The following EDN1 variants were observed in gnomAD, a reference collection of about 807,000 sequenced individuals.
EDN1 encodes endothelin-1.
Under a neutral mutation model 21.7 loss-of-function variants are expected in EDN1, and 11 were observed. That is an observed-to-expected ratio of 0.51 (90% CI 0.32 to 0.84). The LOEUF (loss-of-function observed/expected upper bound fraction) is 0.84. Ranked by LOEUF, EDN1 falls within the 40% of genes least tolerant of loss-of-function variation. EDN1 has a pLI of 0.03. For synonymous variants in EDN1, 85 were observed against 90.6 expected, an observed-to-expected ratio of 0.94 and a Z score of 0.35; for missense variants, 244 against 262.3, an observed-to-expected ratio of 0.93 and a Z score of 0.48.
the EDN1 span, among the ~76,000 whole-genome samples, chr6:12,267,479 G>A: frequency 2.5e-3 from 384 of 152,280 alleles, 1 homozygote; most frequent in African/African-American, 8.5e-3. Context: ...ACCAGGCACA[G>A]CATTTCCTTA....
At chr6:12,262,443 A>G in the EDN1 span, among the ~76,000 whole-genome samples, 1 of 152,218 alleles carries the variant, frequency 6.6e-6, no homozygotes, top group Non-Finnish European at 1.5e-5. Flanking sequence ...CCCAGAGAGT[A>G]GATCTCACTC....
chr6:12,275,825 G>A, the EDN1 span, among the ~76,000 whole-genome samples: 1 of 151,908 alleles, frequency 6.6e-6, no homozygotes, highest in Non-Finnish European at 1.5e-5. Flanking sequence ...GTGTGTGTGT[G>A]TGTGGATGCA....
the EDN1 span, among the ~76,000 whole-genome samples, chr6:12,271,018 C>A: frequency 1.3e-5 from 2 of 152,170 alleles, no homozygotes; most frequent in Non-Finnish European, 2.9e-5. Flanking sequence ...TTTGGTTTCT[C>A]TTTGCATGGA....
At chr6:12,294,551 T>C in intron 4 of EDN1, 147 bp downstream of exon 4, 2 of 899,306 alleles carry the variant, frequency 2.2e-6, no homozygotes, top group Non-Finnish European at 3.5e-6. Context: ...CTATGCATCC[T>C]ATAGATTAAA....
the EDN1 span, among the ~76,000 whole-genome samples, chr6:12,246,830 A>T: frequency 2.0e-4 from 30 of 152,308 alleles, no homozygotes; most frequent in South Asian, 6.2e-3. Flanking sequence ...TCACTAACCT[A>T]TCTCCACCTC....
At chr6:12,275,577 T>C in the EDN1 span, among the ~76,000 whole-genome samples, 9 of 152,096 alleles carry the variant, frequency 5.9e-5, no homozygotes, top group South Asian at 4.1e-4. Context: ...ATAGATTTCA[T>C]GTAATGTTTA....
chr6:12,237,940 T>A, the EDN1 span, among the ~76,000 whole-genome samples: 9 of 151,606 alleles, frequency 5.9e-5, no homozygotes, highest in Admixed American at 5.9e-4. Context: ...GAGGCCGAGG[T>A]GGGAGGATCA....
At position 12,290,573 on chromosome 6, in the gene EDN1, C is replaced by T; in HGVS notation, c.-57C>T. 6.7e-7 allele frequency: 1 copy of T among 1,493,260 alleles called. No homozygotes were observed. Among genetic ancestry groups the T allele is most frequent in the Non-Finnish European group, 9.3e-7 (1 of 1,070,512 alleles). The allele number at this position is 1,493,260 out of a possible 1,614,324, so 92.5% of individuals were successfully genotyped here. A position where few individuals can be genotyped will look rare whatever the true frequency, so the allele number is the denominator to read the frequency against. On this transcript the variant is annotated 5_prime_UTR_variant, in exon 1 of 5. Coordinates refer to ENST00000379375, the MANE Select transcript of EDN1 (RefSeq NM_001955.5). ...CTTTGAGGGACCTGAAGCTGTTTTT[C>T]TTCGTTTTCCTTTGGGTTCAGTTTG...
the EDN1 span, among the ~76,000 whole-genome samples, chr6:12,269,129 G>A: frequency 6.6e-6 from 1 of 151,732 alleles, no homozygotes; most frequent in African/African-American, 2.4e-5. Flanking sequence ...CTTTTTTAGG[G>A]AGTTCTTTAT....
At chr6:12,237,380 G>A in the EDN1 span, among the ~76,000 whole-genome samples, 70 of 152,230 alleles carry the variant, frequency 4.6e-4, no homozygotes, top group Admixed American at 9.8e-4. Flanking sequence ...AGGTTTTCAG[G>A]TCGGAGATAG....
upstream of EDN1, among the ~76,000 whole-genome samples, chr6:12,289,554 T>C (rs1277879007): frequency 3.3e-5 from 5 of 152,204 alleles, no homozygotes; most frequent in East Asian, 9.6e-4. Context: ...TTAAGATTGG[T>C]GGCACCGACC....
chr6:12,260,826 A>G, the EDN1 span, among the ~76,000 whole-genome samples: 1 of 151,934 alleles, frequency 6.6e-6, no homozygotes, highest in Non-Finnish European at 1.5e-5. Flanking sequence ...TGTTCCATAA[A>G]CCTAGATCTT....
chr6:12,240,913 T>C, the EDN1 span, among the ~76,000 whole-genome samples: 76 of 152,282 alleles, frequency 5.0e-4, no homozygotes, highest in East Asian at 8.3e-3. Context: ...ATGGCTGGTG[T>C]TGATCCTGCT....
chr6:12,258,901 T>G, the EDN1 span, among the ~76,000 whole-genome samples: 1 of 152,162 alleles, frequency 6.6e-6, no homozygotes, highest in Non-Finnish European at 1.5e-5. Context: ...AGGAGCAATC[T>G]AGTGACTAAC....
chr6:12,263,534 T>G, the EDN1 span, among the ~76,000 whole-genome samples: 1 of 152,182 alleles, frequency 6.6e-6, no homozygotes, highest in Non-Finnish European at 1.5e-5. Context: ...CAGTTTGGGT[T>G]TGTAGAGAGA....
the EDN1 span, among the ~76,000 whole-genome samples, chr6:12,269,891 T>TA: frequency 1.8e-4 from 28 of 151,868 alleles, no homozygotes; most frequent in Non-Finnish European, 3.2e-4. Flanking sequence ...GATGTTCATT[T>TA]AAAAAAAATG....
chr6:12,271,325 C>T, the EDN1 span, among the ~76,000 whole-genome samples: 3 of 151,530 alleles, frequency 2.0e-5, no homozygotes, highest in African/African-American at 7.3e-5. Flanking sequence ...TGATTTCTTT[C>T]TCTTTCTCAT....
chr6:12,284,751 G>GA, the EDN1 span, among the ~76,000 whole-genome samples: 2 of 130,626 alleles, frequency 1.5e-5, no homozygotes, highest in Non-Finnish European at 3.5e-5. Context: ...AAGGAAGGAA[G>GA]AAAGAAAGAA....
chr6:12,272,719 G>A, the EDN1 span, among the ~76,000 whole-genome samples: 6 of 151,112 alleles, frequency 4.0e-5, no homozygotes, highest in Non-Finnish European at 5.9e-5. Flanking sequence ...CACCCGCCTC[G>A]GCCTCCCAAA....
Sources: allele counts gnomAD v4.1 joint callset (sites outside exome capture counted in the v4.1 genomes callset), GRCh38; gene constraint gnomAD v4.1.1; transcripts MANE v1.5; gene names NCBI Gene and HGNC (gene_info 2026-07-23, HGNC 2026-07-21).